NLRP13: variants seen among roughly 807,000 people sequenced by gnomAD.
The protein encoded by NLRP13 is NLR family pyrin domain containing 13, also known as NACHT, LRR and PYD domains-containing protein 13.
In NLRP13, 82 loss-of-function variants were observed where a neutral mutation model predicts 94.4. The observed-to-expected ratio is 0.87, with a 90% confidence interval of 0.73 to 1.04. NLRP13 has a LOEUF of 1.04. NLRP13 is among the 50% of genes least tolerant of loss of function. The pLI is 0.00. For missense variants in NLRP13, 1,426 were observed against 1,230.8 expected, an observed-to-expected ratio of 1.16 and a Z score of -2.37; for synonymous variants, 553 against 464.7, an observed-to-expected ratio of 1.19 and a Z score of -2.45.
At position 55,932,006 on chromosome 19, in the gene NLRP13, TCTAA is replaced by T. The variant is rs1322554707; in HGVS notation, c.302_305del (p.Val101GlufsTer4). ...GAGGACTCTCACCTTTCATCTCGGC[TCTAA>T]CTTTCTCACACAGTGAGGTCAGATT... On this transcript the variant is annotated frameshift_variant, in exon 1 of 11. Transcript: ENST00000342929. LOFTEE classifies it high-confidence loss of function. 8 of 1,613,380 alleles carry T rather than the reference TCTAA, an allele frequency of 5.0e-6. No homozygotes were observed. In the Admixed American group the frequency reaches 1.0e-4, roughly 20 times the overall value.
At chr19:55,898,311 G>C (rs1032296028) in intron 10 of NLRP13, among the ~76,000 whole-genome samples, 12 of 150,608 alleles carry the variant, frequency 8.0e-5, no homozygotes, top group African/African-American at 2.9e-4. Flanking sequence ...CCGGGTTCAA[G>C]CGATTCTCCT....
downstream of NLRP13, among the ~76,000 whole-genome samples, chr19:55,895,576 G>A (rs1354921964): frequency 1.3e-5 from 2 of 152,020 alleles, no homozygotes; most frequent in Non-Finnish European, 2.9e-5. Context: ...CCAGCTACTC[G>A]GGAGGCTGAG....
intron 2 of NLRP13, 105 bp downstream of exon 2, chr19:55,924,862 G>A: frequency 9.8e-7 from 1 of 1,016,458 alleles, no homozygotes; most frequent in Non-Finnish European, 1.5e-6. Context: ...AATTTTTTAT[G>A]CACTATAAAT....
chr19:55,925,416 C>T (rs572049321), intron 1 of NLRP13, among the ~76,000 whole-genome samples: 11 of 152,342 alleles, frequency 7.2e-5, no homozygotes, highest in Middle Eastern at 6.8e-3. Flanking sequence ...CTGCCTTATC[C>T]TCCGTTTGCA....
At chr19:55,930,686 C>CAAAAAAAAAAAAAAAAAAA (rs9304769) in intron 1 of NLRP13, among the ~76,000 whole-genome samples, 1 of 94,206 alleles carries the variant, frequency 1.1e-5, no homozygotes, top group African/African-American at 4.2e-5. Flanking sequence ...AACTCCATCT[C>CAAAAAAAAAAAAAAAAAAA]AAAAAAAAAA....
rs304002 is a variant in NLRP13, at chr19:55,911,888, G to A, written c.1929C>T (p.His643=). 773,223 of 1,613,520 alleles carry A rather than the reference G, an allele frequency of 0.48. 188,029 individuals are homozygous for A. Among genetic ancestry groups the A allele is most frequent in the African/African-American group, 0.68 (51,157 of 74,990 alleles). Residue 643 remains histidine (H), a synonymous_variant, in exon 5 of 11, where the codon CAC becomes CAT. Coordinates refer to ENST00000342929, the MANE Select transcript of NLRP13 (RefSeq NM_176810.2). ...FHILRLFHCL[H]ESQEEDFTKK... is the part of the protein sequence containing the mutation. Reference sequence around the variant, plus strand: ...TTGTGAAGTCTTCCTCCTGGGACTCGTGTAGGCAGTGAAAAAGTCGTAGAA... The same window carrying A: ...TTGTGAAGTCTTCCTCCTGGGACTCATGTAGGCAGTGAAAAAGTCGTAGAA...
intron 4 of NLRP13, among the ~76,000 whole-genome samples, chr19:55,920,010 G>A (rs776047617): frequency 2.6e-5 from 4 of 151,654 alleles, no homozygotes; most frequent in Admixed American, 1.3e-4. Flanking sequence ...GAATAGAGAG[G>A]CCAGAAATAA....
At chr19:55,925,143 T>G (rs1986937778) in intron 1 of NLRP13, 108 bp from the exon 2 acceptor site, 6 of 969,126 alleles carry the variant, frequency 6.2e-6, no homozygotes, top group South Asian at 2.8e-5. Context: ...AACTGGAGTT[T>G]GAAGGTCTGA....
intron 4 of NLRP13, among the ~76,000 whole-genome samples, chr19:55,915,323 T>G (rs1462041546): frequency 6.6e-6 from 1 of 152,184 alleles, no homozygotes; most frequent in Non-Finnish European, 1.5e-5. Flanking sequence ...TACAGCCATG[T>G]GCGGTGGCTC....
In NLRP13 at chr19:55,908,025, C is replaced by T. The variant is rs78360556; in HGVS notation, c.2283-69G>A. The T allele has an allele frequency of 0.012, 17,415 of 1,395,254 alleles. 1,144 individuals carry two copies. The Admixed American group carries it at 0.17, about 14-fold the overall frequency. 86.4% of individuals were successfully genotyped at this position (1,395,254 alleles called of 1,614,324 possible). ...CTGGTTTCCAGGATCCCGTCTGCCT[C>T]CTCACCCTGCCTTCTACTACACTCA... On this transcript the variant is annotated intron_variant, in intron 6 of 10. Transcript: ENST00000342929.
intron 8 of NLRP13, 140 bp from the exon 9 acceptor site, chr19:55,902,345 A>G: frequency 1.5e-6 from 1 of 663,488 alleles, no homozygotes; most frequent in Non-Finnish European, 2.5e-6. Flanking sequence ...TTAGCTGGAC[A>G]CCGACCCAGG....
chr19:55,923,883 G>T, intron 4 of NLRP13, 31 bp downstream of exon 4: 1 of 1,548,952 alleles, frequency 6.5e-7, no homozygotes, highest in Non-Finnish European at 8.9e-7. Flanking sequence ...CAAGCAACCT[G>T]TCCATTATCA....
At chr19:55,924,540 G>C (rs534068039) in intron 3 of NLRP13, 50 bp downstream of exon 3, 4 of 1,291,020 alleles carry the variant, frequency 3.1e-6, no homozygotes, top group Non-Finnish European at 3.4e-6. Flanking sequence ...CCAATGAAAC[G>C]AGTGTTCCAT....
rs1986564141 is a variant in NLRP13 at position 55,912,846 on chromosome 19, T to C, written c.971A>G (p.Glu324Gly). Residue 324 changes from glutamate to glycine, a missense_variant, in exon 5 of 11, where the codon GAG becomes GGG. Glu to Gly is a moderately conservative substitution (Grantham distance 98, BLOSUM62 -2). Transcript: ENST00000342929. ...EEIIISESRS[E>G]SLDDGSPCTD... ...ACATGGCGAGCCATCATCCAAGCTC[T>C]CAGAGCGTGACTCAGATATGATTAT... is the stretch of plus-strand genomic sequence containing the variant. 6.2e-7 allele frequency: 1 copy of C among 1,614,166 alleles called. No individual in the cohort carries two copies. Among genetic ancestry groups the C allele is most frequent in the Non-Finnish European group, 8.5e-7 (1 of 1,180,042 alleles).
rs1310740144 is a variant in NLRP13, at chr19:55,904,943, C to G, written c.2617G>C (p.Glu873Gln). Residue 873 changes from glutamate to glutamine, a missense_variant and splice_region_variant, in exon 8 of 11, where the codon GAG becomes CAG. Coordinates refer to ENST00000342929, the MANE Select transcript of NLRP13 (RefSeq NM_176810.2). ...THPKCALERL[E>Q]LWFCQLAAPA... ...GAAATGGAAGTAGGGAAAACTTACTCCAGTCTCTCTAAGGCACACTTGGGG... is the reference window on the plus strand; with the variant it reads ...GAAATGGAAGTAGGGAAAACTTACTGCAGTCTCTCTAAGGCACACTTGGGG... The G allele has an allele frequency of 6.2e-7, 1 of 1,610,338 alleles. No homozygotes were observed. The highest frequency in any genetic ancestry group is 8.5e-7 in the Non-Finnish European group (1 of 1,177,234).
chr19:55,893,424 A>G (rs1331646216), downstream of NLRP13, among the ~76,000 whole-genome samples: 2 of 152,176 alleles, frequency 1.3e-5, no homozygotes, highest in Non-Finnish European at 2.9e-5. Context: ...TTACTTTAAA[A>G]CCACTGCATT....
At chr19:55,892,405 A>G (rs912722297), downstream of NLRP13, among the ~76,000 whole-genome samples, 5 of 151,634 alleles carry the variant, frequency 3.3e-5, no homozygotes, top group African/African-American at 1.2e-4. Flanking sequence ...ACACATATTC[A>G]TATACATACA....
chr19:55,929,364 T>G (rs1568448115), intron 1 of NLRP13, among the ~76,000 whole-genome samples: 1 of 152,202 alleles, frequency 6.6e-6, no homozygotes, highest in Non-Finnish European at 1.5e-5. Context: ...AGCAAAGACT[T>G]GGAACCAACC....
chr19:55,892,266 A>G (rs566599463), downstream of NLRP13: 135 of 488,110 alleles, frequency 2.8e-4, no homozygotes, highest in African/African-American at 1.7e-3. Flanking sequence ...TGATCCCATC[A>G]CCCAGGTAGT....
Sources: allele counts gnomAD v4.1 joint callset (sites outside exome capture counted in the v4.1 genomes callset), GRCh38; gene constraint gnomAD v4.1.1; transcripts MANE v1.5; gene names NCBI Gene and HGNC (gene_info 2026-07-23, HGNC 2026-07-21).